The following B3GALT1 variants were observed in gnomAD, a reference collection of about 807,000 sequenced individuals.
The protein encoded by B3GALT1 is UDP-Gal:betaGlcNAc beta 1,3-galactosyltransferase, polypeptide 1.
Under a neutral mutation model 23.2 loss-of-function variants are expected in B3GALT1, and 10 were observed. The ratio of observed to expected loss-of-function variants is 0.43; its 90% CI spans 0.27 to 0.73. The LOEUF (loss-of-function observed/expected upper bound fraction) is 0.73, where lower values mean the gene tolerates loss of function less well. Among genes scored for constraint, B3GALT1 ranks in the 30% least tolerant of loss-of-function variants. B3GALT1 has a pLI of 0.21. For synonymous variants in B3GALT1, 156 were observed against 141.5 expected, an observed-to-expected ratio of 1.10 and a Z score of -0.73; for missense variants, 299 against 405.4, an observed-to-expected ratio of 0.74 and a Z score of 2.25.
intron 1 of B3GALT1, among the ~76,000 whole-genome samples, chr2:167,462,397 T>C (rs997331270): frequency 5.9e-5 from 9 of 152,154 alleles, no homozygotes; most frequent in Non-Finnish European, 1.2e-4. Context: ...TACTGCTGAC[T>C]CAAAATTTAT....
intron 3 of B3GALT1, among the ~76,000 whole-genome samples, chr2:167,681,630 G>T (rs908033753): frequency 6.6e-6 from 1 of 152,226 alleles, no homozygotes; most frequent in Non-Finnish European, 1.5e-5. Flanking sequence ...GTAGAGGCAT[G>T]CACTAAGTTT....
intron 3 of B3GALT1, among the ~76,000 whole-genome samples, chr2:167,774,751 C>T (rs1688133207): frequency 6.6e-6 from 1 of 152,032 alleles, no homozygotes; most frequent in Non-Finnish European, 1.5e-5. Context: ...CCGCCTCAGC[C>T]TCCCAAAGTG....
intron 1 of B3GALT1, among the ~76,000 whole-genome samples, chr2:167,327,432 T>C (rs1211006884): frequency 6.6e-6 from 1 of 152,118 alleles, no homozygotes; most frequent in African/African-American, 2.4e-5. Context: ...CTTTCGTCAA[T>C]GTTTTATAGT....
At chr2:167,509,210 A>G (rs1699967908) in intron 2 of B3GALT1, among the ~76,000 whole-genome samples, 1 of 152,254 alleles carries the variant, frequency 6.6e-6, no homozygotes, top group African/African-American at 2.4e-5. Context: ...GAGCCAAGTC[A>G]TAAGTAATTA....
chr2:167,742,567 G>C (rs1482727305), intron 3 of B3GALT1, among the ~76,000 whole-genome samples: 2 of 152,162 alleles, frequency 1.3e-5, no homozygotes, highest in African/African-American at 2.4e-5. Context: ...AAAGAAATCT[G>C]TTCTATCACA....
intron 3 of B3GALT1, among the ~76,000 whole-genome samples, chr2:167,647,284 G>C (rs1330453051): frequency 6.6e-6 from 1 of 152,074 alleles, no homozygotes; most frequent in Non-Finnish European, 1.5e-5. Context: ...GTTTATACTT[G>C]ACTTGGCTTA....
At chr2:167,431,231 A>C (rs1698700456) in intron 1 of B3GALT1, among the ~76,000 whole-genome samples, 1 of 152,220 alleles carries the variant, frequency 6.6e-6, no homozygotes, top group Non-Finnish European at 1.5e-5. Flanking sequence ...CTCAGAAAAC[A>C]ATACTTAGGT....
At chr2:167,444,536 A>C (rs144767585) in intron 1 of B3GALT1, among the ~76,000 whole-genome samples, 2,653 of 152,154 alleles carry the variant, frequency 0.017, 84 homozygotes, top group African/African-American at 0.061. Flanking sequence ...TTATTGCCTC[A>C]ATTTCAGATC....
chr2:167,430,021 AC>A (rs1243292174), intron 1 of B3GALT1, among the ~76,000 whole-genome samples: 1 of 152,228 alleles, frequency 6.6e-6, no homozygotes, highest in Non-Finnish European at 1.5e-5. Context: ...CAGATAACAG[AC>A]AAAATATTTA....
At chr2:167,409,722 G>T (rs1047899020) in intron 1 of B3GALT1, among the ~76,000 whole-genome samples, 1 of 151,326 alleles carries the variant, frequency 6.6e-6, no homozygotes, top group African/African-American at 2.4e-5. Flanking sequence ...AGAGTTGTTT[G>T]TTGAGATACC....
intron 1 of B3GALT1, among the ~76,000 whole-genome samples, chr2:167,370,693 G>A (rs116052193): frequency 0.031 from 4,788 of 152,242 alleles, 109 homozygotes; most frequent in Non-Finnish European, 0.049. Context: ...TTAGTAGGCC[G>A]AGGTGGGTGG....
At chr2:167,756,983 G>A (rs537750570) in intron 3 of B3GALT1, among the ~76,000 whole-genome samples, 2 of 152,174 alleles carry the variant, frequency 1.3e-5, no homozygotes, top group South Asian at 2.1e-4. Flanking sequence ...AAGTCCAAAC[G>A]AGTAAATTCA....
intron 4 of B3GALT1, among the ~76,000 whole-genome samples, chr2:167,848,550 A>C (rs918872425): frequency 6.6e-6 from 1 of 152,210 alleles, no homozygotes; most frequent in African/African-American, 2.4e-5. Flanking sequence ...GCATCTCTTT[A>C]TGATTAAAAC....
At chr2:167,430,997 A>G (rs889069832) in intron 1 of B3GALT1, among the ~76,000 whole-genome samples, 2 of 152,224 alleles carry the variant, frequency 1.3e-5, no homozygotes, top group African/African-American at 2.4e-5. Flanking sequence ...ATTATTTCTT[A>G]TAACTGCAAT....
intron 1 of B3GALT1, among the ~76,000 whole-genome samples, chr2:167,404,334 G>T (rs1319148172): frequency 1.3e-5 from 2 of 152,084 alleles, no homozygotes; most frequent in Non-Finnish European, 2.9e-5. Context: ...TTACACTGGG[G>T]ATCAACATGA....
At chr2:167,469,994 AT>A (rs910181167) in intron 1 of B3GALT1, among the ~76,000 whole-genome samples, 3 of 151,932 alleles carry the variant, frequency 2.0e-5, no homozygotes, top group African/African-American at 7.3e-5. Context: ...TGGAATCGTA[AT>A]TTTTTTTCTT....
intron 3 of B3GALT1, among the ~76,000 whole-genome samples, chr2:167,816,169 TGTTCA>T (rs1453148676): frequency 5.9e-5 from 9 of 152,342 alleles, no homozygotes; most frequent in African/African-American, 2.2e-4. Context: ...CTTAGGATAA[TGTTCA>T]GTTCATTCTA....
At position 167,870,985 on chromosome 2, in the gene B3GALT1, C is replaced by A. The variant is rs376305391; in HGVS notation, c.*965C>A. On this transcript the variant is annotated 3_prime_UTR_variant, in exon 5 of 5. Transcript: ENST00000392690. ...CAATAGTATAAGATGCCCCCACACA[C>A]AGACATTTGCAAAGCACATGAGAAA... 6.1e-6 allele frequency: 1 copy of A among 164,312 alleles called. No homozygotes were observed. The highest frequency in any genetic ancestry group is 1.5e-5 in the Non-Finnish European group (1 of 68,104). The allele number at this position is 164,312 out of a possible 1,614,324, so 10.2% of individuals were successfully genotyped here.
intron 3 of B3GALT1, among the ~76,000 whole-genome samples, chr2:167,709,107 A>G (rs1330777289): frequency 1.3e-5 from 2 of 152,230 alleles, no homozygotes; most frequent in Admixed American, 6.5e-5. Flanking sequence ...CAAAAAGCAG[A>G]CAAAGCAAGC....
Sources: gnomAD v4.1 joint callset for allele counts (sites outside exome capture counted in the v4.1 genomes callset) on GRCh38, gnomAD v4.1.1 for gene constraint, MANE v1.5 for transcripts, NCBI Gene and HGNC (gene_info 2026-07-23, HGNC 2026-07-21) for gene names.